DMD: variants seen among roughly 807,000 people sequenced by gnomAD.
DMD encodes mutant dystrophin.
In DMD, 63 loss-of-function variants were observed where a neutral mutation model predicts 330.1. The ratio of observed to expected loss-of-function variants is 0.19; its 90% CI spans 0.16 to 0.24. The LOEUF (loss-of-function observed/expected upper bound fraction) is 0.24. DMD is among the 10% of genes least tolerant of loss of function. The probability of loss-of-function intolerance (pLI) is 1.00; values close to 1 mark genes in which losing one functional copy is unlikely to be tolerated. For missense variants in DMD, 3,344 were observed against 2,684.1 expected, an observed-to-expected ratio of 1.25 and a Z score of -5.43; for synonymous variants, 1,223 against 959.8, an observed-to-expected ratio of 1.27 and a Z score of -5.07.
At chrX:31,965,012 A>G (rs1261539668) in intron 45 of DMD, among the ~76,000 whole-genome samples, 1 of 111,605 alleles carries the variant, frequency 9.0e-6, no homozygotes, top group Admixed American at 9.6e-5. Flanking sequence ...AGGTTCCTCA[A>G]TTTAGGAATT....
chrX:31,502,373 AAGAG>A (rs754690387), intron 56 of DMD, among the ~76,000 whole-genome samples: 1 of 111,007 alleles, frequency 9.0e-6, no homozygotes, highest in Non-Finnish European at 1.9e-5. Flanking sequence ...AACATTCTAA[AAGAG>A]AGAGAAAGAA....
intron 1 of DMD, among the ~76,000 whole-genome samples, chrX:33,137,169 G>A (rs189780743): frequency 8.2e-4 from 91 of 110,593 alleles, no homozygotes; most frequent in African/African-American, 2.8e-3. Context: ...CATCTTTCGG[G>A]GCTCTCCCAA....
chrX:31,886,663 A>C (rs963247589), intron 47 of DMD, among the ~76,000 whole-genome samples: 1 of 111,630 alleles, frequency 9.0e-6, no homozygotes, highest in African/African-American at 3.3e-5. Flanking sequence ...ATACAACAGA[A>C]ATTGTGTGGT....
intron 44 of DMD, among the ~76,000 whole-genome samples, chrX:31,975,908 T>C (rs760124023): frequency 1.8e-5 from 2 of 111,838 alleles, no homozygotes; most frequent in Non-Finnish European, 3.8e-5. Flanking sequence ...CTGTAAATAT[T>C]TGATGGAAGT....
At chrX:31,839,508 A>C (rs1451974457) in intron 48 of DMD, among the ~76,000 whole-genome samples, 1 of 112,121 alleles carries the variant, frequency 8.9e-6, no homozygotes, top group Non-Finnish European at 1.9e-5. Flanking sequence ...GCTAGAGTTA[A>C]ATACAGAGTC....
intron 61 of DMD, among the ~76,000 whole-genome samples, chrX:31,336,739 C>T (rs2057422554): frequency 9.1e-6 from 1 of 110,453 alleles, no homozygotes; most frequent in African/African-American, 3.3e-5. Context: ...TTTAAAAAGT[C>T]GGATAACAAA....
chrX:32,782,955 CACAT>C (rs1008180444), intron 7 of DMD, among the ~76,000 whole-genome samples: 6 of 96,275 alleles, frequency 6.2e-5, no homozygotes, highest in East Asian at 3.0e-4. Context: ...TATACACACA[CACAT>C]ACACACACAC....
At chrX:31,342,089 C>T (rs1223916176) in intron 61 of DMD, among the ~76,000 whole-genome samples, 6 of 111,135 alleles carry the variant, frequency 5.4e-5, no homozygotes, top group Non-Finnish European at 1.1e-4. Flanking sequence ...GCTAATGAGC[C>T]ACACCTCAGA....
At chrX:32,276,527 T>C (rs1047194062) in intron 43 of DMD, among the ~76,000 whole-genome samples, 3 of 111,880 alleles carry the variant, frequency 2.7e-5, no homozygotes, top group African/African-American at 9.7e-5. Flanking sequence ...TCTTGCATCT[T>C]GGATACCAGC....
chrX:32,709,226 G>A (rs1434951033), intron 7 of DMD, among the ~76,000 whole-genome samples: 5 of 111,439 alleles, frequency 4.5e-5, no homozygotes. Flanking sequence ...ATGCAATTTA[G>A]AAATTTACAG....
intron 30 of DMD, among the ~76,000 whole-genome samples, chrX:32,398,523 C>T (rs1298706983): frequency 9.0e-6 from 1 of 110,742 alleles, no homozygotes; most frequent in African/African-American, 3.3e-5. Context: ...GGTCAAAAAT[C>T]TCCAGCAGAG....
intron 45 of DMD, among the ~76,000 whole-genome samples, chrX:31,956,456 G>A (rs2095247026): frequency 9.0e-6 from 1 of 111,533 alleles, no homozygotes; most frequent in African/African-American, 3.3e-5. Flanking sequence ...GAAACATCAG[G>A]ATGTAAGGGG....
intron 26 of DMD, among the ~76,000 whole-genome samples, chrX:32,453,741 C>T (rs1225255143): frequency 9.0e-6 from 1 of 110,665 alleles, no homozygotes; most frequent in Non-Finnish European, 1.9e-5. Context: ...GTAACTCACC[C>T]CAATTTATAC....
chrX:31,435,550 A>G (rs1481594918), intron 60 of DMD: 1 of 112,246 alleles, frequency 8.9e-6, no homozygotes, highest in Non-Finnish European at 1.9e-5. Context: ...TGTGGTATTT[A>G]CCTTTAAAAG....
chrX:32,516,471 C>T (rs747149784), intron 18 of DMD: 5 of 111,465 alleles, frequency 4.5e-5, no homozygotes, highest in African/African-American at 1.6e-4. Flanking sequence ...AAATGCAAAT[C>T]GTTCATAGGT....
chrX:32,749,016 A>G (rs2070448619), intron 7 of DMD, among the ~76,000 whole-genome samples: 1 of 112,229 alleles, frequency 8.9e-6, no homozygotes, highest in East Asian at 2.8e-4. Flanking sequence ...GTGCCCCATT[A>G]GGTCCTAGGT....
At chrX:32,957,507 G>A (rs1028619873) in intron 2 of DMD, among the ~76,000 whole-genome samples, 1 of 111,349 alleles carries the variant, frequency 9.0e-6, no homozygotes, top group African/African-American at 3.3e-5. Context: ...GGTCAAGATG[G>A]TATATATATA....
chrX:32,812,850 ATATT>A, intron 6 of DMD, among the ~76,000 whole-genome samples: 1 of 111,585 alleles, frequency 9.0e-6, no homozygotes, highest in East Asian at 2.8e-4. Context: ...AAATTGTAGA[ATATT>A]TAGGGGACTT....
At chrX:33,192,650 C>T (rs906456001) in intron 1 of DMD, among the ~76,000 whole-genome samples, 1 of 111,866 alleles carries the variant, frequency 8.9e-6, no homozygotes, top group Non-Finnish European at 1.9e-5. Flanking sequence ...GAAATATACC[C>T]TAATGGTTCA....
Sources: allele counts gnomAD v4.1 joint callset (sites outside exome capture counted in the v4.1 genomes callset), GRCh38; gene constraint gnomAD v4.1.1; transcripts MANE v1.5; gene names NCBI Gene and HGNC (gene_info 2026-07-23, HGNC 2026-07-21).